Variants in SRGAP1 observed in about 807,000 individuals in gnomAD.
SRGAP1 encodes the protein SLIT-ROBO Rho GTPase-activating protein 1.
Under a neutral mutation model 121.9 loss-of-function variants are expected in SRGAP1, and 43 were observed. The observed-to-expected ratio is 0.35, with a 90% CI of 0.28 to 0.46. SRGAP1 has a LOEUF of 0.46. Among genes scored for constraint, SRGAP1 ranks in the 20% least tolerant of loss-of-function variants. The probability of loss-of-function intolerance (pLI) is 1.00; values close to 1 mark genes in which losing one functional copy is unlikely to be tolerated. For missense variants in SRGAP1, 1,102 were observed against 1,350.9 expected (o/e 0.82, Z 2.89); for synonymous variants, 447 against 485.4 (o/e 0.92, Z 1.04).
At position 64,155,390 on chromosome 12, in the gene SRGAP1, A is replaced by G. The variant is rs2037156055; in HGVS notation, c.*12718A>G. 6.6e-6 allele frequency: 1 copy of G among 151,772 alleles called. No homozygotes were observed. Among genetic ancestry groups the G allele is most frequent in the Admixed American group, 6.6e-5 (1 of 15,264 alleles). The allele number at this position is 151,772 out of a possible 1,614,324, so 9.4% of individuals were successfully genotyped here. A position where few individuals can be genotyped will look rare whatever the true frequency, so the allele number is the denominator to read the frequency against. ...AACCCCATCTCTACTAAAAATACAA[A>G]AAAATTAGCCGGGTGTGGTGGCGCC... On this transcript the variant is annotated 3_prime_UTR_variant, in exon 22 of 22. Transcript: ENST00000355086.
At chr12:63,997,386 A>C (rs1339411265) in intron 3 of SRGAP1, among the ~76,000 whole-genome samples, 1 of 152,092 alleles carries the variant, frequency 6.6e-6, no homozygotes, top group Non-Finnish European at 1.5e-5. Context: ...GAAATTGCCT[A>C]ATGATGCATT....
chr12:63,867,367 T>C (rs975578670), intron 1 of SRGAP1, among the ~76,000 whole-genome samples: 1 of 152,206 alleles, frequency 6.6e-6, no homozygotes, highest in Non-Finnish European at 1.5e-5. Context: ...TTACTTGTTT[T>C]TCTTTTTGAT....
At chr12:64,134,819 G>C (rs2036835172) in intron 21 of SRGAP1, among the ~76,000 whole-genome samples, 1 of 152,094 alleles carries the variant, frequency 6.6e-6, no homozygotes, top group East Asian at 1.9e-4. Flanking sequence ...CTGTTATCCA[G>C]ATTTCTATTT....
intron 4 of SRGAP1, among the ~76,000 whole-genome samples, chr12:64,027,688 C>T (rs1459113863): frequency 6.6e-6 from 1 of 152,126 alleles, no homozygotes; most frequent in East Asian, 1.9e-4. Context: ...AATGGTTAGA[C>T]ATCAAGTCAA....
At chr12:63,912,927 G>A (rs960848356) in intron 1 of SRGAP1, among the ~76,000 whole-genome samples, 5 of 151,608 alleles carry the variant, frequency 3.3e-5, no homozygotes, top group South Asian at 2.1e-4. Flanking sequence ...GTATCACTGG[G>A]GTTGCTTACA....
intron 4 of SRGAP1, among the ~76,000 whole-genome samples, chr12:64,041,156 A>T (rs117158923): frequency 9.2e-5 from 14 of 151,764 alleles, no homozygotes; most frequent in Admixed American, 6.6e-4. Context: ...GAAATATCCT[A>T]AAGTTTTTAA....
In SRGAP1 at chr12:64,147,373, T is replaced by A; in HGVS notation, c.*4701T>A. On this transcript the variant is annotated 3_prime_UTR_variant, in exon 22 of 22. Coordinates refer to ENST00000355086, the MANE Select transcript of SRGAP1 (RefSeq NM_020762.4). ...TCTGTGCCCCACCCCCACCTCCTCC[T>A]CCCAATTCCTGCTGCCCACTCGAGT... is the stretch of plus-strand genomic sequence containing the variant. 5.9e-5 allele frequency: 3 copies of A among 51,022 alleles called. No homozygotes were observed. Among genetic ancestry groups the A allele is most frequent in the Non-Finnish European group, 3.8e-5 (1 of 26,280 alleles). The allele number at this position is 51,022 out of a possible 1,614,324, so 3.2% of individuals were successfully genotyped here.
intron 21 of SRGAP1, among the ~76,000 whole-genome samples, chr12:64,130,374 A>T (rs2036766144): frequency 6.6e-6 from 1 of 152,160 alleles, no homozygotes; most frequent in African/African-American, 2.4e-5. Context: ...CCTCTAGGCC[A>T]GCAGAACATA....
rs141320778 is a variant in SRGAP1 at position 64,136,474 on chromosome 12, C to T, written c.2881-5821C>T. Among the ~76,000 whole-genome samples the T allele has an allele frequency of 2.3e-3, 347 of 152,168 alleles. 4 individuals carry two copies. The highest frequency in any genetic ancestry group is 8.0e-3 in the African/African-American group (332 of 41,530). On this transcript the variant is annotated intron_variant, in intron 21 of 21. Transcript: ENST00000355086. ...TCCAGCTATCACTGAAGTTTAAAAA[C>T]TAAGTAGATTTCAAAAAAGAGTGAA...
At chr12:63,988,689 C>G (rs2033478285) in intron 2 of SRGAP1, among the ~76,000 whole-genome samples, 1 of 152,188 alleles carries the variant, frequency 6.6e-6, no homozygotes, top group African/African-American at 2.4e-5. Context: ...CATACATGAT[C>G]ATAAATAATA....
At chr12:63,917,466 T>C (rs960170130) in intron 1 of SRGAP1, among the ~76,000 whole-genome samples, 1 of 152,176 alleles carries the variant, frequency 6.6e-6, no homozygotes, top group African/African-American at 2.4e-5. Context: ...TGTGAGTGTG[T>C]TGGGAGCAAT....
At chr12:64,075,595 C>A (rs1487108050) in intron 8 of SRGAP1, among the ~76,000 whole-genome samples, 2 of 152,192 alleles carry the variant, frequency 1.3e-5, no homozygotes, top group Admixed American at 1.3e-4. Context: ...GCTTTTAAAA[C>A]CTGTGCGTGA....
intron 1 of SRGAP1, among the ~76,000 whole-genome samples, chr12:63,969,927 T>C (rs768043410): frequency 6.6e-6 from 1 of 152,180 alleles, no homozygotes; most frequent in African/African-American, 2.4e-5. Flanking sequence ...CCTTCATCAT[T>C]TACTTTACAT....
At position 64,148,656 on chromosome 12, in the gene SRGAP1, A is replaced by AC. The variant is rs2037086724; in HGVS notation, c.*5985dup. 1 of 152,226 alleles carries AC rather than the reference A, an allele frequency of 6.6e-6. No homozygotes were observed. The highest frequency in any genetic ancestry group is 2.1e-4 in the South Asian group (1 of 4,834). The allele number at this position is 152,226 out of a possible 1,614,324, so 9.4% of individuals were successfully genotyped here. A position where few individuals can be genotyped will look rare whatever the true frequency, so the allele number is the denominator to read the frequency against. On this transcript the variant is annotated 3_prime_UTR_variant, in exon 22 of 22. Transcript: ENST00000355086. Reference sequence around the variant, plus strand: ...AATATGTAGTAGATAGCTTTGTAAAACAATGTAAGTTGTGCAAGATTGAAT... The same window carrying AC: ...AATATGTAGTAGATAGCTTTGTAAAACCAATGTAAGTTGTGCAAGATTGAAT...
At chr12:63,901,414 C>T (rs2029921619) in intron 1 of SRGAP1, among the ~76,000 whole-genome samples, 1 of 152,174 alleles carries the variant, frequency 6.6e-6, no homozygotes, top group Non-Finnish European at 1.5e-5. Flanking sequence ...TGAGCTCACC[C>T]CTGTCTTTCT....
intron 1 of SRGAP1, among the ~76,000 whole-genome samples, chr12:63,910,797 C>T (rs977529925): frequency 1.3e-5 from 2 of 152,088 alleles, no homozygotes; most frequent in Non-Finnish European, 2.9e-5. Context: ...AATATGTTGT[C>T]TTTAAGGGAC....
chr12:63,849,956 T>C (rs2136252161), intron 1 of SRGAP1, among the ~76,000 whole-genome samples: 1 of 152,330 alleles, frequency 6.6e-6, no homozygotes. Context: ...GGAGTCATTG[T>C]TGGAACTAAG....
At chr12:63,874,438 C>T (rs534897741) in intron 1 of SRGAP1, among the ~76,000 whole-genome samples, 6 of 152,038 alleles carry the variant, frequency 3.9e-5, no homozygotes, top group African/African-American at 1.2e-4. Flanking sequence ...CTCCTGACCT[C>T]GTGATCCGCC....
intron 4 of SRGAP1, among the ~76,000 whole-genome samples, chr12:64,024,557 C>T (rs192129261): frequency 1.3e-5 from 2 of 152,330 alleles, no homozygotes; most frequent in Admixed American, 1.3e-4. Flanking sequence ...ATATGAAACA[C>T]AGTGGTTACT....
Sources: allele counts gnomAD v4.1 joint callset (sites outside exome capture counted in the v4.1 genomes callset), GRCh38; gene constraint gnomAD v4.1.1; transcripts MANE v1.5; gene names NCBI Gene and HGNC (gene_info 2026-07-23, HGNC 2026-07-21).